The following APBA1 variants were observed in gnomAD, a reference collection of about 807,000 sequenced individuals.
APBA1 encodes amyloid-beta A4 precursor protein-binding family A member 1.
APBA1 carries 55 observed loss-of-function variants against 86.6 expected under a neutral mutation model. The observed-to-expected ratio is 0.64, with a 90% CI of 0.51 to 0.80. The LOEUF (loss-of-function observed/expected upper bound fraction) is 0.80, where lower values mean the gene tolerates loss of function less well. Ranked by LOEUF, APBA1 falls within the 30% of genes least tolerant of loss-of-function variation. The pLI, the probability that APBA1 is intolerant of heterozygous loss-of-function variation, is 0.00. For synonymous variants in APBA1, 511 were observed against 493.9 expected (o/e 1.03, Z -0.46); for missense variants, 1,090 against 1,183.0 (o/e 0.92, Z 1.15).
At chr9:69,511,840 G>A (rs948713874) in intron 2 of APBA1, among the ~76,000 whole-genome samples, 4 of 150,990 alleles carry the variant, frequency 2.6e-5, no homozygotes, top group African/African-American at 7.3e-5. Context: ...ACCAAACACC[G>A]CATATTCTCA....
At chr9:69,433,994 CAG>C (rs1834650957) in intron 11 of APBA1, among the ~76,000 whole-genome samples, 1 of 152,040 alleles carries the variant, frequency 6.6e-6, no homozygotes, top group African/African-American at 2.4e-5. Flanking sequence ...GTATTTTTAG[CAG>C]AGACTGGGCT....
chr9:69,658,378 T>C (rs1588416482), intron 1 of APBA1, among the ~76,000 whole-genome samples: 1 of 148,624 alleles, frequency 6.7e-6, no homozygotes, highest in African/African-American at 2.5e-5. Context: ...CTGTCTCTCT[T>C]TCTCTCTTTC....
intron 1 of APBA1, among the ~76,000 whole-genome samples, chr9:69,579,958 T>A (rs960902503): frequency 2.6e-5 from 4 of 152,190 alleles, no homozygotes. Context: ...GATGCGGTTA[T>A]CTGTAGCCCC....
upstream of APBA1, among the ~76,000 whole-genome samples, chr9:69,672,559 G>A (rs1823978502): frequency 6.8e-6 from 1 of 147,242 alleles, no homozygotes; most frequent in Non-Finnish European, 1.5e-5. Context: ...CGAGCCCGCG[G>A]CGGCGGCGGC....
At chr9:69,652,978 C>T (rs183345856) in intron 1 of APBA1, among the ~76,000 whole-genome samples, 1 of 149,438 alleles carries the variant, frequency 6.7e-6, no homozygotes, top group East Asian at 2.0e-4. Context: ...GCCTGGGTGA[C>T]AGAGTGAGAC....
intron 3 of APBA1, among the ~76,000 whole-genome samples, chr9:69,473,763 T>C (rs1187682225): frequency 6.6e-6 from 1 of 152,158 alleles, no homozygotes. Flanking sequence ...AAAAAAAAGC[T>C]GCAACAGAGG....
chr9:69,493,176 C>T (rs777483017), intron 2 of APBA1, among the ~76,000 whole-genome samples: 1 of 152,030 alleles, frequency 6.6e-6, no homozygotes, highest in African/African-American at 2.4e-5. Context: ...GTTCAAAAAT[C>T]TTCAGTCATT....
At chr9:69,439,320 G>A (rs1403515496) in intron 11 of APBA1, among the ~76,000 whole-genome samples, 1 of 148,208 alleles carries the variant, frequency 6.7e-6, no homozygotes, top group African/African-American at 2.5e-5. Flanking sequence ...TTTGAATGTT[G>A]GTCTGCCTTG....
intron 4 of APBA1, among the ~76,000 whole-genome samples, chr9:69,468,924 G>T (rs1003595247): frequency 1.3e-4 from 20 of 151,836 alleles, no homozygotes; most frequent in Admixed American, 6.5e-4. Context: ...GAGTACAGTG[G>T]TGTGATCTCG....
At chr9:69,454,770 C>T (rs185338947) in intron 8 of APBA1, among the ~76,000 whole-genome samples, 50 of 152,220 alleles carry the variant, frequency 3.3e-4, no homozygotes, top group African/African-American at 9.6e-4. Flanking sequence ...CAGGGATCCT[C>T]GATCCCTGTA....
intron 2 of APBA1, among the ~76,000 whole-genome samples, chr9:69,483,918 G>A (rs1835565867): frequency 6.6e-6 from 1 of 152,100 alleles, no homozygotes; most frequent in Non-Finnish European, 1.5e-5. Flanking sequence ...GAGCTGGTGG[G>A]TACTTGCTGA....
intron 2 of APBA1, among the ~76,000 whole-genome samples, chr9:69,490,186 A>G (rs2133858744): frequency 6.6e-6 from 1 of 152,190 alleles, no homozygotes; most frequent in South Asian, 2.1e-4. Flanking sequence ...GACATGGATG[A>G]AACTGGAAAC....
chr9:69,640,134 A>G (rs1332915235), intron 1 of APBA1, among the ~76,000 whole-genome samples: 4 of 152,188 alleles, frequency 2.6e-5, no homozygotes, highest in African/African-American at 4.8e-5. Flanking sequence ...AGCGTTATCC[A>G]GGTGTAATGC....
At chr9:69,465,737 A>G (rs1185055604) in intron 5 of APBA1, among the ~76,000 whole-genome samples, 2 of 152,216 alleles carry the variant, frequency 1.3e-5, no homozygotes, top group African/African-American at 4.8e-5. Context: ...GCCATGGGGC[A>G]AGACACATCT....
At chr9:69,523,553 A>ACC (rs1836298255) in intron 1 of APBA1, among the ~76,000 whole-genome samples, 3 of 128,274 alleles carry the variant, frequency 2.3e-5, no homozygotes, top group Non-Finnish European at 5.1e-5. Flanking sequence ...ACACACACAC[A>ACC]CCCAACATTA....
chr9:69,470,240 T>C (rs1467792481), intron 4 of APBA1, among the ~76,000 whole-genome samples: 1 of 152,202 alleles, frequency 6.6e-6, no homozygotes, highest in Non-Finnish European at 1.5e-5. Context: ...CACTTTGAGC[T>C]CAGGGATAGT....
At chr9:69,445,750 T>A (rs774224462) in intron 10 of APBA1, among the ~76,000 whole-genome samples, 2 of 152,182 alleles carry the variant, frequency 1.3e-5, no homozygotes, top group African/African-American at 4.8e-5. Context: ...TCAATACCTA[T>A]AATTCTACTC....
In APBA1 at chr9:69,571,151, A is replaced by T. The variant is rs1203502282; in HGVS notation, c.-69-53872T>A. Among the ~76,000 whole-genome samples the T allele has an allele frequency of 3.9e-5, 6 of 152,314 alleles. No individual in the cohort carries two copies. The East Asian group carries it at 1.2e-3, about 29-fold the overall frequency. On this transcript the variant is annotated intron_variant, in intron 1 of 12. Coordinates refer to ENST00000265381, the MANE Select transcript of APBA1 (RefSeq NM_001163.4). ...TGCTCACACTGTACACTGCACAATG[A>T]AGGAAAAAATGTTACCTGTTGAATG...
rs1834576177 is a variant in APBA1, at chr9:69,430,777, G to A, written c.*550C>T. 6.6e-6 allele frequency: 1 copy of A among 152,640 alleles called. No individual in the cohort carries two copies. Among genetic ancestry groups the A allele is most frequent in the South Asian group, 2.1e-4 (1 of 4,824 alleles). 9.5% of individuals were successfully genotyped at this position (152,640 alleles called of 1,614,324 possible). ...TGAAATTAGAACTAGCAATAGAAGA[G>A]GTTTAAGGTTGGCTCAGAGATTCTG... On this transcript the variant is annotated 3_prime_UTR_variant, in exon 13 of 13. Coordinates refer to ENST00000265381, the MANE Select transcript of APBA1 (RefSeq NM_001163.4).
Sources: gnomAD v4.1 joint callset for allele counts (sites outside exome capture counted in the v4.1 genomes callset) on GRCh38, gnomAD v4.1.1 for gene constraint, MANE v1.5 for transcripts, NCBI Gene and HGNC (gene_info 2026-07-23, HGNC 2026-07-21) for gene names.